The following NAALADL2 variants were observed in gnomAD, a reference collection of about 807,000 sequenced individuals.
The protein encoded by NAALADL2 is N-acetylated alpha-linked acidic dipeptidase like 2.
NAALADL2 carries 76 observed loss-of-function variants against 87.2 expected under a neutral mutation model. The ratio of observed to expected loss-of-function variants is 0.87; its 90% CI spans 0.72 to 1.05. NAALADL2 has a LOEUF of 1.05. Among genes scored for constraint, NAALADL2 ranks in the 50% least tolerant of loss-of-function variants. The pLI is 0.00. For synonymous variants in NAALADL2, 354 were observed against 331.0 expected (o/e 1.07, Z -0.75); for missense variants, 1,089 against 945.8 (o/e 1.15, Z -1.99).
In NAALADL2 at chr3:175,576,032, GTTTTTC is replaced by G; in HGVS notation, c.1654-8_1654-3del. 1 of 1,608,358 alleles carries G rather than the reference GTTTTTC, an allele frequency of 6.2e-7. No homozygotes were observed. Among genetic ancestry groups the G allele is most frequent in the South Asian group, 1.1e-5 (1 of 90,418 alleles). ...AGTATGTGTTAACAATTTAAATTAT[GTTTTTC>G]AGAAAAATAATTTCAACTGTACCAG... On this transcript the variant is annotated splice_polypyrimidine_tract_variant and splice_region_variant and intron_variant, in intron 9 of 13. Coordinates refer to ENST00000454872, the MANE Select transcript of NAALADL2 (RefSeq NM_207015.3).
Position 174,775,947 on chromosome 3 carries a change from T to C in NAALADL2, c.-9+38201T>C, listed in dbSNP as rs566897393. Among the ~76,000 whole-genome samples the C allele has an allele frequency of 2.0e-5, 3 of 152,294 alleles. No homozygotes were observed. The South Asian group carries it at 6.2e-4, about 32-fold the overall frequency. On this transcript the variant is annotated intron_variant, in intron 3 of 3. Coordinates refer to the NAALADL2 transcript ENST00000434257. ...AAGCACCTCTGAAAAACAGCTTTAG[T>C]TATCTGGACATAGACACTGAGGATG...
chr3:175,068,748 G>A (rs1715009593), intron 1 of NAALADL2, among the ~76,000 whole-genome samples: 1 of 152,090 alleles, frequency 6.6e-6, no homozygotes, highest in South Asian at 2.1e-4. Flanking sequence ...TTATTGGTTT[G>A]TAAACATTGG....
At chr3:175,566,266 C>G (rs1047411311) in intron 9 of NAALADL2, among the ~76,000 whole-genome samples, 3 of 152,102 alleles carry the variant, frequency 2.0e-5, no homozygotes. Flanking sequence ...GCTTCATTCA[C>G]AGAAATACAA....
intron 11 of NAALADL2, among the ~76,000 whole-genome samples, chr3:175,648,665 G>A (rs145277372): frequency 6.6e-6 from 1 of 152,206 alleles, no homozygotes; most frequent in Non-Finnish European, 1.5e-5. Flanking sequence ...TCTCAGATAT[G>A]TATTCCAATC....
chr3:175,317,357 A>C (rs1759287348), intron 4 of NAALADL2, among the ~76,000 whole-genome samples: 1 of 151,902 alleles, frequency 6.6e-6, no homozygotes. Context: ...ACATTAAAAA[A>C]AAAATGTGGA....
At chr3:175,593,981 CT>C (rs11302779) in intron 10 of NAALADL2, among the ~76,000 whole-genome samples, 100,731 of 148,182 alleles carry the variant, frequency 0.68, 34,747 homozygotes, top group East Asian at 0.85. Flanking sequence ...TGTTGCTATT[CT>C]TTTTTTTTTT....
chr3:175,767,473 C>T (rs1295199095), intron 13 of NAALADL2: 9 of 151,870 alleles, frequency 5.9e-5, no homozygotes, highest in Admixed American at 5.9e-4. Context: ...AGAAGGCAAT[C>T]TAGATATTCA....
chr3:175,535,953 C>T (rs1053070100), intron 9 of NAALADL2, among the ~76,000 whole-genome samples: 4 of 152,166 alleles, frequency 2.6e-5, no homozygotes, highest in Non-Finnish European at 4.4e-5. Context: ...TTTTAGGAGC[C>T]AAATTGAGGC....
intron 5 of NAALADL2, among the ~76,000 whole-genome samples, chr3:175,407,026 G>GA (rs1383708853): frequency 6.6e-5 from 10 of 151,530 alleles, no homozygotes; most frequent in Middle Eastern, 3.2e-3. Context: ...ACTAAAAATA[G>GA]AAAAAAAATT....
chr3:175,753,355 C>T (rs1391623119), intron 12 of NAALADL2, among the ~76,000 whole-genome samples: 1 of 152,122 alleles, frequency 6.6e-6, no homozygotes, highest in Non-Finnish European at 1.5e-5. Context: ...TATAAAACTA[C>T]TTATCTCTTT....
intron 13 of NAALADL2, among the ~76,000 whole-genome samples, chr3:175,758,466 ACGTAT>A (rs1747563368): frequency 6.6e-6 from 1 of 151,844 alleles, no homozygotes; most frequent in African/African-American, 2.4e-5. Context: ...CTTCGTTTAG[ACGTAT>A]CGGACTCACC....
chr3:174,629,666 C>A (rs1217658240), intron 2 of NAALADL2, among the ~76,000 whole-genome samples: 1 of 152,242 alleles, frequency 6.6e-6, no homozygotes, highest in East Asian at 1.9e-4. Flanking sequence ...ACCGTTATAT[C>A]TTTTCATATT....
chr3:175,500,861 A>G (rs1208851578), intron 9 of NAALADL2, among the ~76,000 whole-genome samples: 5 of 152,182 alleles, frequency 3.3e-5, no homozygotes, highest in Non-Finnish European at 7.4e-5. Context: ...GCTATATGAA[A>G]TAGTGCATTG....
At chr3:175,158,418 C>G (rs1466137782) in intron 2 of NAALADL2, among the ~76,000 whole-genome samples, 1 of 146,416 alleles carries the variant, frequency 6.8e-6, no homozygotes, top group African/African-American at 2.6e-5. Context: ...CATCAGGAAC[C>G]CAAAACTTGA....
chr3:174,704,605 A>T (rs925866498), intron 2 of NAALADL2, among the ~76,000 whole-genome samples: 2 of 152,260 alleles, frequency 1.3e-5, no homozygotes, highest in Admixed American at 1.3e-4. Context: ...CATGTGATGG[A>T]AGATAGATTA....
chr3:174,441,647 G>C (rs1365646991), intron 1 of NAALADL2, among the ~76,000 whole-genome samples: 1 of 152,032 alleles, frequency 6.6e-6, no homozygotes, highest in Non-Finnish European at 1.5e-5. Context: ...CTACCCTAAC[G>C]TCTGGCTTAC....
chr3:175,579,761 A>G, intron 10 of NAALADL2, among the ~76,000 whole-genome samples: 1 of 152,186 alleles, frequency 6.6e-6, no homozygotes. Flanking sequence ...AGAGTGCAAT[A>G]TTTATGGCAG....
At chr3:174,645,713 A>G (rs564466888) in intron 2 of NAALADL2, among the ~76,000 whole-genome samples, 10 of 152,308 alleles carry the variant, frequency 6.6e-5, no homozygotes, top group African/African-American at 2.2e-4. Flanking sequence ...TAAGTTAAAT[A>G]TGTGTATTTT....
intron 1 of NAALADL2, among the ~76,000 whole-genome samples, chr3:175,072,520 T>A (rs1459081723): frequency 6.6e-6 from 1 of 151,554 alleles, no homozygotes; most frequent in Non-Finnish European, 1.5e-5. Context: ...CTCTCTTGAT[T>A]CTATATCATT....
Sources: allele counts gnomAD v4.1 joint callset (sites outside exome capture counted in the v4.1 genomes callset), GRCh38; gene constraint gnomAD v4.1.1; transcripts MANE v1.5; gene names NCBI Gene and HGNC (gene_info 2026-07-23, HGNC 2026-07-21).